The following SH3RF3 variants were observed in gnomAD, a reference collection of about 807,000 sequenced individuals.
SH3RF3 encodes the protein SH3 domain containing ring finger 3, also known as E3 ubiquitin-protein ligase SH3RF3.
Under a neutral mutation model 66.3 loss-of-function variants are expected in SH3RF3, and 29 were observed. That is an observed-to-expected ratio of 0.44 (90% CI 0.33 to 0.60). The LOEUF is 0.60. SH3RF3 is among the 20% of genes least tolerant of loss of function. The probability of loss-of-function intolerance (pLI) is 0.04; values close to 1 mark genes in which losing one functional copy is unlikely to be tolerated. For missense variants in SH3RF3, 1,194 were observed against 1,190.9 expected (o/e 1.00, Z -0.04); for synonymous variants, 583 against 532.0 (o/e 1.10, Z -1.32).
intron 8 of SH3RF3, 87 bp from the exon 9 acceptor site, chr2:109,490,518 C>T: frequency 1.8e-6 from 2 of 1,097,362 alleles, no homozygotes; most frequent in African/African-American, 1.6e-5. Context: ...TAAAGTTCCA[C>T]ATAGGAAGAT....
intron 3 of SH3RF3, among the ~76,000 whole-genome samples, chr2:109,394,230 G>C (rs1234345493): frequency 2.0e-5 from 3 of 152,234 alleles, no homozygotes; most frequent in African/African-American, 7.2e-5. Flanking sequence ...TAAGAAAGCT[G>C]GGGAGACAAA....
chr2:109,474,167 G>T (rs770976666), intron 8 of SH3RF3, among the ~76,000 whole-genome samples: 68 of 152,252 alleles, frequency 4.5e-4, no homozygotes, highest in Non-Finnish European at 6.5e-4. Context: ...CCGCACCTGC[G>T]TAAGAGCACA....
At chr2:109,165,488 A>G (rs1397650809) in intron 1 of SH3RF3, among the ~76,000 whole-genome samples, 1 of 152,210 alleles carries the variant, frequency 6.6e-6, no homozygotes, top group East Asian at 1.9e-4. Flanking sequence ...TTAAGACAGG[A>G]GCTGTCAAAC....
chr2:109,269,327 C>T (rs1393749500), intron 1 of SH3RF3, among the ~76,000 whole-genome samples: 1 of 152,222 alleles, frequency 6.6e-6, no homozygotes, highest in Non-Finnish European at 1.5e-5. Context: ...GAAAACCTTG[C>T]CTTCCCCCCG....
In SH3RF3 at chr2:109,443,900, C is replaced by T. The variant is rs367667537; in HGVS notation, c.1829-5270C>T. Among the ~76,000 whole-genome samples the T allele has an allele frequency of 2.6e-4, 39 of 152,290 alleles. No individual in the cohort carries two copies. The East Asian group carries it at 6.6e-3, about 26-fold the overall frequency. ...AGTATAATCAACTTGACTTAGTTGA[C>T]GTTTGTGAAACATTCTACCCAACAA... On this transcript the variant is annotated intron_variant, in intron 7 of 9. Transcript: ENST00000309415.
chr2:109,489,790 T>C (rs1038842441), intron 8 of SH3RF3, among the ~76,000 whole-genome samples: 36 of 151,668 alleles, frequency 2.4e-4, no homozygotes, highest in East Asian at 1.4e-3. Context: ...CAGGCTGGAG[T>C]GCAGTGGCGC....
chr2:109,139,833 T>C (rs1280353716), intron 1 of SH3RF3, among the ~76,000 whole-genome samples: 1 of 152,210 alleles, frequency 6.6e-6, no homozygotes, highest in Non-Finnish European at 1.5e-5. Flanking sequence ...CAAAGACCAA[T>C]GTGTCCATTG....
At chr2:109,359,876 TG>T (rs1450415114) in intron 2 of SH3RF3, among the ~76,000 whole-genome samples, 1 of 152,100 alleles carries the variant, frequency 6.6e-6, no homozygotes, top group African/African-American at 2.4e-5. Context: ...GGTCATAAAA[TG>T]GCACATGTGT....
intron 1 of SH3RF3, among the ~76,000 whole-genome samples, chr2:109,332,211 C>G (rs548497309): frequency 6.6e-6 from 1 of 152,146 alleles, no homozygotes; most frequent in Non-Finnish European, 1.5e-5. Context: ...TCATGGGACC[C>G]CTAACAGACC....
intron 8 of SH3RF3, among the ~76,000 whole-genome samples, chr2:109,465,840 TC>T (rs1341563561): frequency 1.3e-5 from 2 of 152,104 alleles, no homozygotes; most frequent in African/African-American, 4.8e-5. Flanking sequence ...GAGAACTCAC[TC>T]ACTGTCACAG....
chr2:109,340,203 G>C (rs1166150393), intron 1 of SH3RF3, among the ~76,000 whole-genome samples: 1 of 152,156 alleles, frequency 6.6e-6, no homozygotes. Flanking sequence ...CTGTCTCTCG[G>C]ACCTTGGACA....
intron 8 of SH3RF3, among the ~76,000 whole-genome samples, chr2:109,488,560 C>T (rs1277515317): frequency 6.6e-6 from 1 of 152,218 alleles, no homozygotes; most frequent in African/African-American, 2.4e-5. Flanking sequence ...TGCCCCCAGG[C>T]ACCCCACTCA....
At chr2:109,472,679 G>A (rs1678556232) in intron 8 of SH3RF3, among the ~76,000 whole-genome samples, 1 of 152,166 alleles carries the variant, frequency 6.6e-6, no homozygotes, top group South Asian at 2.1e-4. Context: ...AATTTTTCCT[G>A]TTTCATTCCA....
At chr2:109,407,598 GGCTCCA>G (rs1327607286) in intron 4 of SH3RF3, among the ~76,000 whole-genome samples, 3 of 152,158 alleles carry the variant, frequency 2.0e-5, no homozygotes, top group Admixed American at 2.0e-4. Context: ...TGCAAACTCC[GGCTCCA>G]GCTCCAGCTC....
intron 1 of SH3RF3, among the ~76,000 whole-genome samples, chr2:109,132,890 C>A (rs1480289558): frequency 2.6e-5 from 4 of 152,182 alleles, no homozygotes; most frequent in African/African-American, 9.7e-5. Flanking sequence ...TTGAGTAATT[C>A]AAAACATGCT....
At chr2:109,372,359 C>T (rs1683291692) in intron 3 of SH3RF3, among the ~76,000 whole-genome samples, 1 of 152,308 alleles carries the variant, frequency 6.6e-6, no homozygotes, top group African/African-American at 2.4e-5. Flanking sequence ...GAGTATTTGC[C>T]TATGGCGTGT....
intron 1 of SH3RF3, among the ~76,000 whole-genome samples, chr2:109,208,047 C>G (rs11694496): frequency 6.6e-6 from 1 of 152,082 alleles, no homozygotes; most frequent in African/African-American, 2.4e-5. Flanking sequence ...TTGTTAAATT[C>G]AACAATTCTG....
intron 1 of SH3RF3, among the ~76,000 whole-genome samples, chr2:109,200,337 C>T: frequency 6.6e-6 from 1 of 152,124 alleles, no homozygotes; most frequent in Admixed American, 6.5e-5. Flanking sequence ...TCACTAGCAG[C>T]CTCCTTTCCA....
chr2:109,485,976 G>A (rs935490611), intron 8 of SH3RF3, among the ~76,000 whole-genome samples: 3 of 152,238 alleles, frequency 2.0e-5, no homozygotes, highest in Admixed American at 1.3e-4. Flanking sequence ...CCTGGAGCCA[G>A]CCAGACAGCT....
Sources: allele counts gnomAD v4.1 joint callset (sites outside exome capture counted in the v4.1 genomes callset), GRCh38; gene constraint gnomAD v4.1.1; transcripts MANE v1.5; gene names NCBI Gene and HGNC (gene_info 2026-07-23, HGNC 2026-07-21).